The following ANKRD17 variants were observed in gnomAD, a reference collection of about 807,000 sequenced individuals.
ANKRD17 encodes the protein ankyrin repeat domain 17.
ANKRD17 carries 19 observed loss-of-function variants against 229.7 expected under a neutral mutation model. That is an observed-to-expected ratio of 0.08 (90% CI 0.06 to 0.12). ANKRD17 has a LOEUF of 0.12. Ranked by LOEUF, ANKRD17 falls within the 10% of genes least tolerant of loss-of-function variation. The pLI, the probability that ANKRD17 is intolerant of heterozygous loss-of-function variation, is 1.00. For synonymous variants in ANKRD17, 1,112 were observed against 1,146.1 expected (o/e 0.97, Z 0.60); for missense variants, 2,176 against 3,176.8 (o/e 0.68, Z 7.57).
rs1560543009 is a variant in ANKRD17, at chr4:73,118,675, GAA to G, written c.4188+11_4188+12del. 6.2e-7 allele frequency: 1 copy of G among 1,613,448 alleles called. No individual in the cohort carries two copies. Among genetic ancestry groups the G allele is most frequent in the Admixed American group, 1.7e-5 (1 of 59,960 alleles). On this transcript the variant is annotated intron_variant, in intron 22 of 33. Coordinates refer to ENST00000358602, the MANE Select transcript of ANKRD17 (RefSeq NM_032217.5). ...AAAAAACATCCAGGTAAATGAGGAT[GAA>G]AGACTTATACCTTTCTAAATGCTGC...
intron 3 of ANKRD17, among the ~76,000 whole-genome samples, chr4:73,158,462 C>T (rs996263440): frequency 6.6e-6 from 1 of 152,176 alleles, no homozygotes; most frequent in African/African-American, 2.4e-5. Context: ...GTTCCTGTGC[C>T]AAGACAGCTC....
chr4:73,253,629 C>A (rs533580461), intron 1 of ANKRD17, among the ~76,000 whole-genome samples: 1 of 152,306 alleles, frequency 6.6e-6, no homozygotes, highest in South Asian at 2.1e-4. Context: ...GCTCCAAAAT[C>A]CATACTTTTA....
intron 21 of ANKRD17, 131 bp from the exon 22 acceptor site, chr4:73,118,981 G>A: frequency 1.1e-6 from 1 of 914,928 alleles, no homozygotes; most frequent in Non-Finnish European, 1.6e-6. Context: ...CCACCTCCAG[G>A]GGTCATATGA....
rs150451218 is a variant in ANKRD17 at position 73,131,826 on chromosome 4, G to A, written c.3234+3291C>T. Among the ~76,000 whole-genome samples, 359 of 152,250 alleles carry A rather than the reference G, an allele frequency of 2.4e-3. 3 individuals carry two copies. Among genetic ancestry groups the A allele is most frequent in the African/African-American group, 8.0e-3 (333 of 41,552 alleles). ...AAGTTAAAGAAGTTAATATCTGCAA[G>A]GCATTAAGCCTGTATGTTAGGGTTT... On this transcript the variant is annotated intron_variant, in intron 16 of 33. Transcript: ENST00000358602.
intron 1 of ANKRD17, among the ~76,000 whole-genome samples, chr4:73,247,554 TCTAA>T (rs1282875460): frequency 1.3e-5 from 2 of 151,742 alleles, no homozygotes; most frequent in Non-Finnish European, 3.0e-5. Flanking sequence ...ATTAACATAC[TCTAA>T]CACACACACA....
chr4:73,105,182 G>A (rs1289281112), intron 24 of ANKRD17, among the ~76,000 whole-genome samples: 3 of 151,974 alleles, frequency 2.0e-5, no homozygotes, highest in Non-Finnish European at 4.4e-5. Context: ...TACATGGCAC[G>A]GAGCTCTAAA....
intron 1 of ANKRD17, among the ~76,000 whole-genome samples, chr4:73,186,619 C>A (rs1736328798): frequency 6.6e-6 from 1 of 152,080 alleles, no homozygotes; most frequent in Admixed American, 6.5e-5. Flanking sequence ...TAAAACGTGA[C>A]TTCTTATGCT....
At position 73,075,229 on chromosome 4, in the gene ANKRD17, A is replaced by G. The variant is rs975509052; in HGVS notation, c.*1002T>C. Reference sequence around the variant, plus strand: ...CAATGTTAAGAATCAATATCATCCAATATAAAATAGTACATTGAATTATTT... The same window carrying G: ...CAATGTTAAGAATCAATATCATCCAGTATAAAATAGTACATTGAATTATTT... On this transcript the variant is annotated 3_prime_UTR_variant, in exon 34 of 34. Coordinates refer to ENST00000358602, the MANE Select transcript of ANKRD17 (RefSeq NM_032217.5). 3 of 152,162 alleles carry G rather than the reference A, an allele frequency of 2.0e-5. No homozygotes were observed. The highest frequency in any genetic ancestry group is 6.5e-5 in the Admixed American group (1 of 15,284). 9.4% of individuals were successfully genotyped at this position (152,162 alleles called of 1,614,324 possible).
intron 1 of ANKRD17, among the ~76,000 whole-genome samples, chr4:73,191,339 A>ATGTGTGTGTGTGTGTGTGTGTGTGTGTG (rs1203366910): frequency 2.0e-4 from 12 of 60,860 alleles, no homozygotes; most frequent in Admixed American, 7.8e-4. Flanking sequence ...CAAAAAATAT[A>ATGTGTGTGTGTGTGTGTGTGTGTGTGTG]TATGTGTGTG....
At chr4:73,078,452 C>T (rs945820665) in intron 31 of ANKRD17, among the ~76,000 whole-genome samples, 190 bp downstream of exon 31, 6 of 151,956 alleles carry the variant, frequency 3.9e-5, no homozygotes, top group African/African-American at 9.6e-5. Context: ...GCAGGAGAAT[C>T]GCTTGAACCG....
At chr4:73,225,213 G>A (rs913981159) in intron 1 of ANKRD17, among the ~76,000 whole-genome samples, 7 of 152,028 alleles carry the variant, frequency 4.6e-5, no homozygotes, top group Middle Eastern at 3.2e-3. Flanking sequence ...AAAACAAGTC[G>A]TCAACAAAGT....
chr4:73,091,414 C>T lies in ANKRD17; in HGVS notation c.6214G>A (p.Ala2072Thr), dbSNP rs1347722587. The stretch of plus-strand genomic sequence containing the variant: ...CCTGCTTCCTGTTCGGAGGAAGATG[C>T]CACTTTATTTGGAGATGCTGATCCA... ...DCGSASPNKV[A>T]SSSEQEAGSP... Residue 2072 changes from alanine to threonine, a missense_variant, in exon 29 of 34, where the codon GCA becomes ACA. Coordinates refer to ENST00000358602, the MANE Select transcript of ANKRD17 (RefSeq NM_032217.5). 3 of 1,614,116 alleles carry T rather than the reference C, an allele frequency of 1.9e-6. No homozygotes were observed. The highest frequency in any genetic ancestry group is 2.7e-5 in the African/African-American group (2 of 75,036).
chr4:73,097,527 C>T (rs1033801522), intron 26 of ANKRD17, among the ~76,000 whole-genome samples: 4 of 151,186 alleles, frequency 2.6e-5, no homozygotes, highest in Middle Eastern at 3.4e-3. Context: ...CTTGAGCTCT[C>T]GGGTTCAGGT....
chr4:73,176,737 G>A (rs1378964203), intron 2 of ANKRD17, among the ~76,000 whole-genome samples: 2 of 152,104 alleles, frequency 1.3e-5, no homozygotes, highest in Non-Finnish European at 2.9e-5. Context: ...TGTAACACAA[G>A]GGATAAATGC....
At chr4:73,257,402 G>A (rs147907130) in intron 1 of ANKRD17, among the ~76,000 whole-genome samples, 1 of 152,258 alleles carries the variant, frequency 6.6e-6, no homozygotes, top group African/African-American at 2.4e-5. Flanking sequence ...AGATCACTAG[G>A]ACAAACCGAG....
intron 7 of ANKRD17, 76 bp downstream of exon 7, chr4:73,151,354 A>G (rs1730983567): frequency 3.9e-6 from 5 of 1,284,070 alleles, no homozygotes; most frequent in Non-Finnish European, 5.5e-6. Flanking sequence ...ACCCATTGGA[A>G]AGGCATTCAT....
chr4:73,251,098 C>T (rs758103475), intron 1 of ANKRD17, among the ~76,000 whole-genome samples: 2 of 152,048 alleles, frequency 1.3e-5, no homozygotes, highest in Non-Finnish European at 2.9e-5. Context: ...AAGTGAGACG[C>T]CATCTCTACA....
intron 1 of ANKRD17, among the ~76,000 whole-genome samples, chr4:73,182,232 G>T (rs1735681158): frequency 6.6e-6 from 1 of 151,814 alleles, no homozygotes; most frequent in African/African-American, 2.4e-5. Context: ...GTTACAACTG[G>T]CCTTTTTTAA....
intron 32 of ANKRD17, 67 bp downstream of exon 32, chr4:73,077,288 T>C: frequency 6.8e-7 from 1 of 1,461,438 alleles, no homozygotes; most frequent in Non-Finnish European, 9.2e-7. Flanking sequence ...TACATATGCC[T>C]ACTATATTCA....
Sources: gnomAD v4.1 joint callset for allele counts (sites outside exome capture counted in the v4.1 genomes callset) on GRCh38, gnomAD v4.1.1 for gene constraint, MANE v1.5 for transcripts, NCBI Gene and HGNC (gene_info 2026-07-23, HGNC 2026-07-21) for gene names.